Variants in C14orf132 observed in about 807,000 individuals in gnomAD.
The protein encoded by C14orf132 is uncharacterized protein C14orf132.
In C14orf132, 6 loss-of-function variants were observed where a neutral mutation model predicts 5.8. That is an observed-to-expected ratio of 1.03 (90% CI 0.57 to 2.04). The LOEUF (loss-of-function observed/expected upper bound fraction) is 2.04. C14orf132 is among the 30% of genes most tolerant of loss of function. The pLI is 0.00. For missense variants in C14orf132, 125 were observed against 115.8 expected, an observed-to-expected ratio of 1.08 and a Z score of -0.37; for synonymous variants, 51 against 49.8, an observed-to-expected ratio of 1.02 and a Z score of -0.10.
chr14:96,080,435 T>C lies in C14orf132; in HGVS notation c.28-6076T>C, dbSNP rs557775498. Among the ~76,000 whole-genome samples, 85 of 152,324 alleles carry C rather than the reference T, an allele frequency of 5.6e-4. No individual in the cohort carries two copies. The South Asian group carries it at 7.3e-3, about 13-fold the overall frequency. ...AGCCAAGACAGGCACTGAGACTGCA[T>C]CTAATGGAGGAGGGTCTGGTGGCCC... On this transcript the variant is annotated intron_variant, in intron 1 of 1. Transcript: ENST00000555004.
intron 1 of C14orf132, 150 bp from the exon 2 acceptor site, chr14:96,086,361 A>G (rs1264221551): frequency 2.9e-6 from 2 of 680,368 alleles, no homozygotes; most frequent in Non-Finnish European, 4.9e-6. Flanking sequence ...ACCATCAATG[A>G]TAAAACCACA....
chr14:96,069,006 C>T (rs1292833802), intron 1 of C14orf132, among the ~76,000 whole-genome samples: 32 of 151,898 alleles, frequency 2.1e-4, no homozygotes, highest in African/African-American at 7.3e-4. Context: ...CTTCTGCTCT[C>T]GGATTGGGTT....
chr14:96,043,236 G>A (rs190495959), intron 1 of C14orf132, among the ~76,000 whole-genome samples: 9 of 152,276 alleles, frequency 5.9e-5, no homozygotes, highest in East Asian at 1.9e-4. Context: ...ACTTGGGCCC[G>A]TTGGGATGCT....
At chr14:96,069,167 T>C (rs1410217086) in intron 1 of C14orf132, among the ~76,000 whole-genome samples, 1 of 69,484 alleles carries the variant, frequency 1.4e-5, no homozygotes, top group African/African-American at 4.7e-5. Flanking sequence ...ATAAATCTCT[T>C]CATATATATA....
At chr14:96,057,528 T>A (rs1322919273) in intron 1 of C14orf132, among the ~76,000 whole-genome samples, 1 of 152,230 alleles carries the variant, frequency 6.6e-6, no homozygotes, top group Non-Finnish European at 1.5e-5. Context: ...TGCTGAGGAT[T>A]AGACCTCAGG....
At chr14:96,081,532 G>A (rs1286088057) in intron 1 of C14orf132, among the ~76,000 whole-genome samples, 3 of 152,190 alleles carry the variant, frequency 2.0e-5, no homozygotes, top group Non-Finnish European at 4.4e-5. Flanking sequence ...TGATACTGTG[G>A]AAGAGCCCTG....
chr14:96,047,297 T>C lies in C14orf132; in HGVS notation c.27+7770T>C, dbSNP rs147704975. 2.1e-3 allele frequency among the ~76,000 whole-genome samples: 323 copies of C among 152,332 alleles called. 2 individuals carry two copies. Among genetic ancestry groups the C allele is most frequent in the Admixed American group, 5.3e-3 (81 of 15,294 alleles). On this transcript the variant is annotated intron_variant, in intron 1 of 1. Coordinates refer to ENST00000555004, the MANE Select transcript of C14orf132 (RefSeq NM_001252507.3). ...TTCTAGTGTTTTAAGATTTCAGACA[T>C]ATGACTTGAAACAATGGAATCTCAC... is the stretch of plus-strand genomic sequence containing the variant.
At chr14:96,041,419 G>C (rs1487054904) in intron 1 of C14orf132, among the ~76,000 whole-genome samples, 4 of 152,168 alleles carry the variant, frequency 2.6e-5, no homozygotes, top group Admixed American at 6.5e-5. Context: ...ATCTGCAAAG[G>C]GTTTTCCACC....
chr14:96,040,469 T>G (rs1189688964), intron 1 of C14orf132: 5 of 387,846 alleles, frequency 1.3e-5, no homozygotes, highest in Non-Finnish European at 2.3e-5. Flanking sequence ...GGCTCCCTTC[T>G]GTCTCCAGGG....
chr14:96,060,465 G>A (rs926484769), intron 1 of C14orf132, among the ~76,000 whole-genome samples: 5 of 152,138 alleles, frequency 3.3e-5, no homozygotes, highest in African/African-American at 1.2e-4. Flanking sequence ...GAGTTCCAGT[G>A]CCGTGCATGT....
chr14:96,044,688 T>C (rs138358805), intron 1 of C14orf132, among the ~76,000 whole-genome samples: 1 of 152,298 alleles, frequency 6.6e-6, no homozygotes, highest in Non-Finnish European at 1.5e-5. Context: ...CAGGCCACTC[T>C]CTTGGCATCA....
intron 1 of C14orf132, among the ~76,000 whole-genome samples, chr14:96,053,063 T>G (rs1234230888): frequency 6.6e-6 from 1 of 152,214 alleles, no homozygotes; most frequent in Non-Finnish European, 1.5e-5. Context: ...CTTCCAGTGC[T>G]GAAACCAGGA....
At chr14:96,060,172 G>A (rs917321364) in intron 1 of C14orf132, among the ~76,000 whole-genome samples, 2 of 152,120 alleles carry the variant, frequency 1.3e-5, no homozygotes, top group African/African-American at 4.8e-5. Flanking sequence ...CCTCCCTATC[G>A]GCTAGATTGT....
intron 1 of C14orf132, among the ~76,000 whole-genome samples, chr14:96,069,179 G>GTATATATATATATATATGTATATATA (rs527543816): frequency 4.1e-5 from 2 of 48,762 alleles, no homozygotes; most frequent in African/African-American, 1.0e-4. Context: ...ATATATATAT[G>GTATATATATATATATATGTATATATA]TATATATATA....
chr14:96,063,817 A>G (rs1887434903), intron 1 of C14orf132, among the ~76,000 whole-genome samples: 1 of 152,182 alleles, frequency 6.6e-6, no homozygotes, highest in South Asian at 2.1e-4. Flanking sequence ...TTCACTATCT[A>G]TACATCTGAC....
intron 1 of C14orf132, among the ~76,000 whole-genome samples, chr14:96,046,345 C>T (rs181024048): frequency 2.7e-4 from 41 of 152,242 alleles, no homozygotes; most frequent in East Asian, 1.2e-3. Flanking sequence ...GGATTCATCC[C>T]GGGGCTGCCA....
At chr14:96,081,538 C>A (rs1888031501) in intron 1 of C14orf132, among the ~76,000 whole-genome samples, 1 of 152,206 alleles carries the variant, frequency 6.6e-6, no homozygotes, top group African/African-American at 2.4e-5. Context: ...TGTGGAAGAG[C>A]CCTGCCTTCG....
intron 1 of C14orf132, among the ~76,000 whole-genome samples, chr14:96,081,964 G>A (rs569043362): frequency 2.2e-4 from 34 of 152,212 alleles, no homozygotes; most frequent in African/African-American, 7.2e-4. Context: ...TCCTCCGATA[G>A]GGAAACAAGC....
At chr14:96,053,164 C>T (rs1347348669) in intron 1 of C14orf132, among the ~76,000 whole-genome samples, 1 of 152,170 alleles carries the variant, frequency 6.6e-6, no homozygotes, top group Non-Finnish European at 1.5e-5. Flanking sequence ...ATTTGACTAA[C>T]ATTCTTGCTT....
Sources: gnomAD v4.1 joint callset for allele counts (sites outside exome capture counted in the v4.1 genomes callset) on GRCh38, gnomAD v4.1.1 for gene constraint, MANE v1.5 for transcripts, NCBI Gene and HGNC (gene_info 2026-07-23, HGNC 2026-07-21) for gene names.